Variants in SLC25A21 observed in about 807,000 individuals in gnomAD.
SLC25A21 encodes the protein solute carrier family 25 member 21, also known as mitochondrial 2-oxodicarboxylate carrier.
In SLC25A21, 47 loss-of-function variants were observed where a neutral mutation model predicts 43.8. The ratio of observed to expected loss-of-function variants is 1.07; its 90% CI spans 0.85 to 1.37. The LOEUF (loss-of-function observed/expected upper bound fraction) is 1.37, where lower values mean the gene tolerates loss of function less well. Among genes scored for constraint, SLC25A21 ranks in the 40% most tolerant of loss-of-function variants. The pLI is 0.00. For synonymous variants in SLC25A21, 131 were observed against 121.3 expected (o/e 1.08, Z -0.52); for missense variants, 352 against 350.2 (o/e 1.00, Z -0.04).
At chr14:36,813,804 A>G (rs1888356379) in intron 3 of SLC25A21, 114 bp downstream of exon 3, 3 of 706,510 alleles carry the variant, frequency 4.2e-6, no homozygotes, top group Non-Finnish European at 7.2e-6. Context: ...CAAAGTAGAA[A>G]GGTACCCTTT....
chr14:36,846,041 T>C (rs1889530543), intron 2 of SLC25A21, among the ~76,000 whole-genome samples: 1 of 152,188 alleles, frequency 6.6e-6, no homozygotes, highest in African/African-American at 2.4e-5. Context: ...AACATGGTGA[T>C]TAGGATATTT....
chr14:36,910,910 G>A (rs1391504848), intron 1 of SLC25A21, among the ~76,000 whole-genome samples: 1 of 152,082 alleles, frequency 6.6e-6, no homozygotes, highest in Non-Finnish European at 1.5e-5. Flanking sequence ...TTCTCTAAAC[G>A]AATTGTTACT....
rs554455129 is a variant in SLC25A21, at chr14:36,843,934, A to G, written c.120-29933T>C. On this transcript the variant is annotated intron_variant, in intron 2 of 9. Coordinates refer to ENST00000331299, the MANE Select transcript of SLC25A21 (RefSeq NM_030631.4). ...TCCCTAACCTGTTGTCTTTCAAGACATTGACCTGTTTGAAGAATGCAGATC... is the reference window on the plus strand; with the variant it reads ...TCCCTAACCTGTTGTCTTTCAAGACGTTGACCTGTTTGAAGAATGCAGATC... Among the ~76,000 whole-genome samples the G allele has an allele frequency of 1.2e-4, 19 of 152,332 alleles. No individual in the cohort carries two copies. In the South Asian group the frequency reaches 2.3e-3, roughly 18 times the overall value.
chr14:37,063,178 C>T (rs978095879), intron 1 of SLC25A21, among the ~76,000 whole-genome samples: 2 of 152,040 alleles, frequency 1.3e-5, no homozygotes, highest in Admixed American at 6.6e-5. Context: ...TCTCACAACA[C>T]GTGGGGATTA....
intron 1 of SLC25A21, among the ~76,000 whole-genome samples, chr14:36,925,443 A>G (rs1443601781): frequency 6.6e-6 from 1 of 152,218 alleles, no homozygotes; most frequent in African/African-American, 2.4e-5. Flanking sequence ...TTAATCAGAC[A>G]ATGTCAACTT....
chr14:36,843,571 C>A (rs1889450938), intron 2 of SLC25A21, among the ~76,000 whole-genome samples: 1 of 152,062 alleles, frequency 6.6e-6, no homozygotes. Flanking sequence ...TCTATCAATA[C>A]ATACAGATAC....
intron 3 of SLC25A21, among the ~76,000 whole-genome samples, chr14:36,758,317 CAGTT>C (rs1886010216): frequency 6.6e-6 from 1 of 152,070 alleles, no homozygotes. Context: ...ATTATGGGAG[CAGTT>C]AGCTTTGTGT....
chr14:37,107,420 CG>C (rs748786378), intron 1 of SLC25A21, among the ~76,000 whole-genome samples: 1 of 152,006 alleles, frequency 6.6e-6, no homozygotes, highest in Non-Finnish European at 1.5e-5. Flanking sequence ...TGGAGTCAAG[CG>C]GTCCTCCCTT....
At chr14:36,712,302 C>T (rs1461834347) in intron 6 of SLC25A21, among the ~76,000 whole-genome samples, 1 of 149,804 alleles carries the variant, frequency 6.7e-6, no homozygotes, top group African/African-American at 2.4e-5. Context: ...CAAAAGATAT[C>T]TCTCTCATAT....
rs553894798 is a variant in SLC25A21 at position 37,084,720 on chromosome 14, G to T, written c.70+87561C>A. Among the ~76,000 whole-genome samples the T allele has an allele frequency of 1.4e-4, 22 of 152,270 alleles. No individual in the cohort carries two copies. The East Asian group carries it at 4.1e-3, about 28-fold the overall frequency. The stretch of plus-strand genomic sequence containing the variant: ...CCTAATCGATTCAGAATAGTTACAA[G>T]TCACTTTGGGTACAGTTTGTGTCTC... On this transcript the variant is annotated intron_variant, in intron 1 of 9. Transcript: ENST00000331299.
At chr14:37,168,770 G>A (rs17106486) in intron 1 of SLC25A21, among the ~76,000 whole-genome samples, 9,141 of 152,186 alleles carry the variant, frequency 0.06, 577 homozygotes, top group African/African-American at 0.14. Context: ...TGAGAAAGAG[G>A]ACTGAGGAGG....
At chr14:36,828,681 T>C (rs1357956445) in intron 2 of SLC25A21, 1 of 152,246 alleles carries the variant, frequency 6.6e-6, no homozygotes, top group African/African-American at 2.4e-5. Flanking sequence ...GATACAAGGA[T>C]TGGGATTGTA....
intron 1 of SLC25A21, among the ~76,000 whole-genome samples, chr14:37,169,580 A>ACACAC (rs112609016): frequency 6.9e-6 from 1 of 145,192 alleles, no homozygotes; most frequent in African/African-American, 2.5e-5. Context: ...AAAAGGTCAT[A>ACACAC]ACACACACAC....
intron 1 of SLC25A21, among the ~76,000 whole-genome samples, chr14:36,960,052 T>C (rs949599395): frequency 2.0e-5 from 3 of 152,200 alleles, no homozygotes; most frequent in African/African-American, 7.2e-5. Context: ...GAGGTGGGCA[T>C]GAAACCCACA....
chr14:36,683,701 T>C lies in SLC25A21; in HGVS notation c.838+127A>G, dbSNP rs1882395635. 4.9e-6 allele frequency: 3 copies of C among 613,376 alleles called. No individual in the cohort carries two copies. The South Asian group carries it at 8.5e-5, about 17-fold the overall frequency. The allele number at this position is 613,376 out of a possible 1,614,324, so 38.0% of individuals were successfully genotyped here. ...GTATCTCAAATACTCATAGACAACT[T>C]TATATTCTCAAGGTTTCTGTCTTTT... is the stretch of plus-strand genomic sequence containing the variant. On this transcript the variant is annotated intron_variant, in intron 9 of 9. Transcript: ENST00000331299.
chr14:36,771,754 T>TA (rs5807907), intron 3 of SLC25A21, among the ~76,000 whole-genome samples: 167 of 146,204 alleles, frequency 1.1e-3, no homozygotes, highest in Non-Finnish European at 1.3e-3. Context: ...GCAAGAAACA[T>TA]AAAAAAAAAA....
At chr14:36,879,079 G>C (rs1357535942) in intron 1 of SLC25A21, among the ~76,000 whole-genome samples, 1 of 152,090 alleles carries the variant, frequency 6.6e-6, no homozygotes, top group Non-Finnish European at 1.5e-5. Context: ...TTTGGTGTTT[G>C]ATCTTAAAAC....
At position 36,707,473 on chromosome 14, in the gene SLC25A21, C is replaced by CCA. The variant is rs144668642; in HGVS notation, c.603+3843_603+3844dup. Among the ~76,000 whole-genome samples, 1,218 of 152,214 alleles carry CCA rather than the reference C, an allele frequency of 8.0e-3. 14 individuals are homozygous for CCA. The highest frequency in any genetic ancestry group is 0.028 in the African/African-American group (1,178 of 41,520). ...CCACATTTTACGCACAGCATTCCTC[C>CCA]CAGCCCCCAACCTAAGGAGCCCCAG... On this transcript the variant is annotated intron_variant, in intron 7 of 9. Coordinates refer to ENST00000331299, the MANE Select transcript of SLC25A21 (RefSeq NM_030631.4).
At chr14:37,020,258 G>T (rs923143586) in intron 1 of SLC25A21, among the ~76,000 whole-genome samples, 1 of 151,818 alleles carries the variant, frequency 6.6e-6, no homozygotes, top group Non-Finnish European at 1.5e-5. Flanking sequence ...ACTCTGGTAA[G>T]CTGTACATAG....
Sources: gnomAD v4.1 joint callset for allele counts (sites outside exome capture counted in the v4.1 genomes callset) on GRCh38, gnomAD v4.1.1 for gene constraint, MANE v1.5 for transcripts, NCBI Gene and HGNC (gene_info 2026-07-23, HGNC 2026-07-21) for gene names.